WNK2: variants seen among roughly 807,000 people sequenced by gnomAD.
WNK2 encodes WNK lysine deficient protein kinase 2.
WNK2 carries 67 observed loss-of-function variants against 192.1 expected under a neutral mutation model. The ratio of observed to expected loss-of-function variants is 0.35; its 90% confidence interval spans 0.29 to 0.43. The LOEUF (loss-of-function observed/expected upper bound fraction) is 0.43. Ranked by LOEUF, WNK2 falls within the 20% of genes least tolerant of loss-of-function variation. The pLI is 1.00. For missense variants in WNK2, 2,698 were observed against 3,089.7 expected, an observed-to-expected ratio of 0.87 and a Z score of 3.01; for synonymous variants, 1,439 against 1,393.9, an observed-to-expected ratio of 1.03 and a Z score of -0.72.
intron 8 of WNK2, among the ~76,000 whole-genome samples, chr9:93,250,427 A>G (rs1011899364): frequency 6.6e-6 from 1 of 152,180 alleles, no homozygotes; most frequent in Non-Finnish European, 1.5e-5. Context: ...GTGTGCACAC[A>G]TGTACACCCT....
chr9:93,207,760 C>T (rs751395599), intron 2 of WNK2, among the ~76,000 whole-genome samples: 4 of 152,250 alleles, frequency 2.6e-5, no homozygotes, highest in Admixed American at 1.3e-4. Context: ...CGCTTGCTGC[C>T]GGCACCCACG....
chr9:93,256,676 G>T lies in WNK2; in HGVS notation c.2190+222G>T, dbSNP rs752177473. On this transcript the variant is annotated intron_variant, in intron 10 of 29. Transcript: ENST00000427277. The stretch of plus-strand genomic sequence containing the variant: ...GTGTTTGTGTGCGTGCATAGTGTTC[G>T]CAGTGCCCTGCACATGGAAGGCTCT... The T allele has an allele frequency of 7.5e-6, 5 of 662,460 alleles. No homozygotes were observed. The South Asian group carries it at 1.0e-4, about 13-fold the overall frequency. 41.0% of individuals were successfully genotyped at this position (662,460 alleles called of 1,614,324 possible).
chr9:93,214,705 C>CCCCCCG (rs1554687919), intron 2 of WNK2, among the ~76,000 whole-genome samples: 2 of 113,898 alleles, frequency 1.8e-5, no homozygotes, highest in African/African-American at 6.6e-5. Flanking sequence ...GTGCCCCCCC[C>CCCCCCG]CCCCCCGCCC....
At chr9:93,295,740 C>G (rs13289160) in intron 23 of WNK2, among the ~76,000 whole-genome samples, 17,177 of 139,090 alleles carry the variant, frequency 0.12, 1,091 homozygotes, top group Middle Eastern at 0.17. Flanking sequence ...TCCTCCCCCA[C>G]CTTCCTCCCC....
chr9:93,298,837 A>C (rs1396194022), intron 24 of WNK2, among the ~76,000 whole-genome samples: 2 of 152,182 alleles, frequency 1.3e-5, no homozygotes, highest in East Asian at 3.9e-4. Context: ...TTCTGTCACT[A>C]TATTTGCTCA....
At chr9:93,200,790 AG>A (rs1414417735) in intron 2 of WNK2, among the ~76,000 whole-genome samples, 3 of 152,276 alleles carry the variant, frequency 2.0e-5, no homozygotes, top group African/African-American at 7.2e-5. Context: ...TTGTAAAAAG[AG>A]GGTTTAAAAG....
intron 7 of WNK2, among the ~76,000 whole-genome samples, chr9:93,243,730 C>G (rs1349117333): frequency 1.3e-5 from 2 of 152,182 alleles, no homozygotes; most frequent in African/African-American, 4.8e-5. Context: ...TGGGGCCTTT[C>G]CAGGTTCTAA....
intron 19 of WNK2, among the ~76,000 whole-genome samples, chr9:93,285,529 A>C (rs1848328395): frequency 6.6e-6 from 1 of 152,236 alleles, no homozygotes; most frequent in Admixed American, 6.5e-5. Context: ...AAAGTATGTA[A>C]CATCTGTATA....
intron 29 of WNK2, chr9:93,317,918 T>C: frequency 6.3e-7 from 1 of 1,599,582 alleles, no homozygotes; most frequent in Non-Finnish European, 8.5e-7. Flanking sequence ...TGGTTTGGCC[T>C]CCGAGTCCCC....
At chr9:93,300,289 G>C (rs1166536507) in intron 26 of WNK2, 140 bp downstream of exon 26, 17 of 653,476 alleles carry the variant, frequency 2.6e-5, no homozygotes, top group Non-Finnish European at 3.7e-5. Flanking sequence ...TAATATCAAA[G>C]TGGAACCCCA....
At chr9:93,205,568 C>T (rs897791906) in intron 2 of WNK2, among the ~76,000 whole-genome samples, 7 of 152,252 alleles carry the variant, frequency 4.6e-5, no homozygotes, top group Admixed American at 1.3e-4. Context: ...GCCCGCCCCG[C>T]GGCCGGCTGT....
At chr9:93,295,519 T>G (rs1729079205) in intron 23 of WNK2, among the ~76,000 whole-genome samples, 1 of 151,924 alleles carries the variant, frequency 6.6e-6, no homozygotes, top group Non-Finnish European at 1.5e-5. Flanking sequence ...GCTTCCTCAT[T>G]TCCGACCTTG....
In WNK2 at chr9:93,190,261, G is replaced by T. The variant is rs114882526; in HGVS notation, c.681+4651G>T. Among the ~76,000 whole-genome samples the T allele has an allele frequency of 6.7e-3, 1,020 of 152,314 alleles. 8 individuals carry two copies. The highest frequency in any genetic ancestry group is 0.023 in the African/African-American group (966 of 41,574). On this transcript the variant is annotated intron_variant, in intron 2 of 29. Transcript: ENST00000427277. ...TCTCAGTGGTGCTTCTGCCCCCCGA[G>T]TGGTGGTGGCGAGGTGTGTGTCAGC... is the stretch of plus-strand genomic sequence containing the variant.
chr9:93,310,802 G>T (rs1265568916), intron 28 of WNK2, among the ~76,000 whole-genome samples: 2 of 152,108 alleles, frequency 1.3e-5, no homozygotes, highest in African/African-American at 4.8e-5. Context: ...GTATGTATCA[G>T]AACTTTTTAA....
At chr9:93,264,868 G>A (rs570360313) in intron 16 of WNK2, among the ~76,000 whole-genome samples, 2 of 152,340 alleles carry the variant, frequency 1.3e-5, no homozygotes, top group Non-Finnish European at 2.9e-5. Context: ...TACCACTCAA[G>A]TTAATATCAT....
intron 2 of WNK2, among the ~76,000 whole-genome samples, chr9:93,211,675 C>A (rs1025159853): frequency 1.3e-5 from 2 of 151,716 alleles, no homozygotes; most frequent in African/African-American, 4.8e-5. Context: ...CTCATTCACT[C>A]CTATTCACTC....
At chr9:93,222,561 A>T (rs2131831973) in intron 2 of WNK2, among the ~76,000 whole-genome samples, 1 of 152,126 alleles carries the variant, frequency 6.6e-6, no homozygotes, top group African/African-American at 2.4e-5. Flanking sequence ...GGGACAGGTC[A>T]CCGGCGTCAG....
At chr9:93,294,548 C>T (rs1849934707) in intron 23 of WNK2, among the ~76,000 whole-genome samples, 1 of 152,110 alleles carries the variant, frequency 6.6e-6, no homozygotes, top group Non-Finnish European at 1.5e-5. Context: ...GGTCAGCAGG[C>T]ACAAAGGGGA....
chr9:93,192,450 AC>A (rs1257952852), intron 2 of WNK2, among the ~76,000 whole-genome samples: 1 of 152,004 alleles, frequency 6.6e-6, no homozygotes, highest in Non-Finnish European at 1.5e-5. Context: ...TTGGCTTGGG[AC>A]ATGCTTAATC....
Sources: allele counts gnomAD v4.1 joint callset (sites outside exome capture counted in the v4.1 genomes callset), GRCh38; gene constraint gnomAD v4.1.1; transcripts MANE v1.5; gene names NCBI Gene and HGNC (gene_info 2026-07-23, HGNC 2026-07-21).